TMC1: variants seen among roughly 807,000 people sequenced by gnomAD.
The protein encoded by TMC1 is transmembrane channel-like protein 1.
A neutral mutation model predicts 105.8 loss-of-function variants in TMC1; 84 were observed. The observed-to-expected ratio is 0.79, with a 90% CI of 0.67 to 0.95. The LOEUF is 0.95. TMC1 is among the 40% of genes least tolerant of loss of function. TMC1 has a pLI of 0.00. For missense variants in TMC1, 817 were observed against 914.1 expected (o/e 0.89, Z 1.37); for synonymous variants, 315 against 311.5 (o/e 1.01, Z -0.12).
chr9:72,744,384 T>A (rs1588061438), intron 10 of TMC1, among the ~76,000 whole-genome samples: 1 of 152,226 alleles, frequency 6.6e-6, no homozygotes, highest in East Asian at 1.9e-4. Context: ...ACAGACAAAC[T>A]CGCTAAATGT....
At chr9:72,738,719 G>A (rs550643309) in intron 8 of TMC1, among the ~76,000 whole-genome samples, 1 of 152,088 alleles carries the variant, frequency 6.6e-6, no homozygotes, top group African/African-American at 2.4e-5. Context: ...TGCCTAGCCA[G>A]ACCCTTCATT....
intron 8 of TMC1, among the ~76,000 whole-genome samples, chr9:72,735,796 G>A (rs1827288164): frequency 8.5e-6 from 1 of 117,000 alleles, no homozygotes; most frequent in Non-Finnish European, 1.7e-5. Context: ...TACATCCTAT[G>A]AGCATCAGAT....
At chr9:72,694,752 C>T in intron 7 of TMC1, 38 bp downstream of exon 7, 1 of 1,572,080 alleles carries the variant, frequency 6.4e-7, no homozygotes, top group Non-Finnish European at 8.6e-7. Context: ...AGTTCCAATG[C>T]TGAAGAAGAT....
At chr9:72,768,785 T>C (rs984582484) in intron 12 of TMC1, among the ~76,000 whole-genome samples, 1 of 152,228 alleles carries the variant, frequency 6.6e-6, no homozygotes, top group East Asian at 1.9e-4. Flanking sequence ...AGATGCTTGT[T>C]CTATATCTGC....
intron 10 of TMC1, among the ~76,000 whole-genome samples, chr9:72,743,249 C>T (rs1028045042): frequency 1.3e-5 from 2 of 150,190 alleles, no homozygotes; most frequent in Admixed American, 6.6e-5. Flanking sequence ...CGCCTGTAGT[C>T]CCAGCTACTT....
At chr9:72,798,595 A>C (rs568271274) in intron 17 of TMC1, among the ~76,000 whole-genome samples, 5 of 152,272 alleles carry the variant, frequency 3.3e-5, no homozygotes, top group Non-Finnish European at 7.4e-5. Flanking sequence ...TAGGAACACC[A>C]AATACTGCAT....
At chr9:72,835,557 T>A (rs1829108239) in intron 23 of TMC1, among the ~76,000 whole-genome samples, 1 of 152,234 alleles carries the variant, frequency 6.6e-6, no homozygotes, top group African/African-American at 2.4e-5. Context: ...TGCTATAGCA[T>A]GCTATTCATC....
At chr9:72,804,872 A>G (rs779414780) in intron 17 of TMC1, among the ~76,000 whole-genome samples, 15 of 152,164 alleles carry the variant, frequency 9.9e-5, no homozygotes, top group Non-Finnish European at 2.2e-4. Context: ...GGTATTTTTC[A>G]ATTTTAACGG....
intron 3 of TMC1, among the ~76,000 whole-genome samples, chr9:72,621,437 C>A (rs1241578864): frequency 6.6e-6 from 1 of 152,116 alleles, no homozygotes; most frequent in Non-Finnish European, 1.5e-5. Context: ...TTTTCCAAGT[C>A]CTCAATCCAA....
At chr9:72,831,802 G>A (rs898957978) in intron 23 of TMC1, among the ~76,000 whole-genome samples, 18 of 152,030 alleles carry the variant, frequency 1.2e-4, no homozygotes, top group South Asian at 2.1e-4. Context: ...ATTCCATGGT[G>A]TATATGTGCC....
intron 17 of TMC1, among the ~76,000 whole-genome samples, chr9:72,792,724 A>AAAAC (rs750358653): frequency 2.0e-4 from 31 of 152,184 alleles, no homozygotes; most frequent in Admixed American, 1.4e-3. Flanking sequence ...AAAACAAAAC[A>AAAAC]AAACAAACAA....
intron 12 of TMC1, among the ~76,000 whole-genome samples, chr9:72,770,940 T>A (rs1827915459): frequency 6.6e-6 from 1 of 152,182 alleles, no homozygotes; most frequent in African/African-American, 2.4e-5. Context: ...GGGAGGGCAA[T>A]CTACTTTACT....
chr9:72,555,973 CAAAAAAAAAAAAAAA>C (rs59431883), intron 1 of TMC1, among the ~76,000 whole-genome samples: 4 of 42,566 alleles, frequency 9.4e-5, no homozygotes, highest in East Asian at 1.0e-3. Flanking sequence ...ATGACTAAGG[CAAAAAAAAAAAAAAA>C]AAAAAAAAAA....
chr9:72,701,818 G>C (rs1387755339), intron 8 of TMC1, among the ~76,000 whole-genome samples: 1 of 152,064 alleles, frequency 6.6e-6, no homozygotes, highest in African/African-American at 2.4e-5. Context: ...TTTTTGTTTT[G>C]TTTTGTAGAG....
intron 8 of TMC1, among the ~76,000 whole-genome samples, chr9:72,736,512 A>G (rs552243019): frequency 1.3e-5 from 2 of 152,374 alleles, no homozygotes; most frequent in African/African-American, 4.8e-5. Context: ...TTATCTAGAA[A>G]GTGATATAAA....
chr9:72,539,866 T>C (rs975644120), intron 1 of TMC1, among the ~76,000 whole-genome samples: 1 of 152,290 alleles, frequency 6.6e-6, no homozygotes, highest in Admixed American at 6.5e-5. Flanking sequence ...GAAAGGGGTT[T>C]ATTTGGCTCA....
intron 2 of TMC1, among the ~76,000 whole-genome samples, chr9:72,585,738 T>G (rs1408629380): frequency 6.6e-6 from 1 of 152,128 alleles, no homozygotes; most frequent in Non-Finnish European, 1.5e-5. Flanking sequence ...AGTGATGGTG[T>G]GCAGATAGGA....
At chr9:72,584,486 T>C (rs7021044) in intron 2 of TMC1, among the ~76,000 whole-genome samples, 68,203 of 151,694 alleles carry the variant, frequency 0.45, 17,373 homozygotes, top group African/African-American at 0.7. Flanking sequence ...AGGCTGGTCT[T>C]GAACTCCTGA....
chr9:72,714,790 G>T (rs1233306116), intron 8 of TMC1, among the ~76,000 whole-genome samples: 1 of 152,110 alleles, frequency 6.6e-6, no homozygotes, highest in Non-Finnish European at 1.5e-5. Context: ...TGTTATGTGT[G>T]ATTTGATCCT....
Sources: gnomAD v4.1 joint callset for allele counts (sites outside exome capture counted in the v4.1 genomes callset) on GRCh38, gnomAD v4.1.1 for gene constraint, MANE v1.5 for transcripts, NCBI Gene and HGNC (gene_info 2026-07-23, HGNC 2026-07-21) for gene names.